The following DNMT1 variants were observed in gnomAD, a reference collection of about 807,000 sequenced individuals.
DNMT1 encodes the protein DNA (cytosine-5)-methyltransferase 1.
Under a neutral mutation model 205.3 loss-of-function variants are expected in DNMT1, and 24 were observed. The ratio of observed to expected loss-of-function variants is 0.12; its 90% CI spans 0.08 to 0.16. The LOEUF (loss-of-function observed/expected upper bound fraction) is 0.16. Among genes scored for constraint, DNMT1 ranks in the 10% least tolerant of loss-of-function variants. The probability of loss-of-function intolerance (pLI) is 1.00; values close to 1 mark genes in which losing one functional copy is unlikely to be tolerated. For missense variants in DNMT1, 1,293 were observed against 2,177.7 expected (o/e 0.59, Z 8.09); for synonymous variants, 817 against 839.8 (o/e 0.97, Z 0.47).
At chr19:10,176,082 C>T (rs2038933400) in intron 6 of DNMT1, among the ~76,000 whole-genome samples, 1 of 151,824 alleles carries the variant, frequency 6.6e-6, no homozygotes, top group Admixed American at 6.6e-5. Context: ...GCAGGAGAAT[C>T]GCTTGAACCT....
intron 1 of DNMT1, among the ~76,000 whole-genome samples, chr19:10,190,919 C>T (rs1396340870): frequency 1.3e-5 from 2 of 151,986 alleles, no homozygotes; most frequent in Non-Finnish European, 1.5e-5. Context: ...TTGAAACCAG[C>T]CTGGTCAACA....
Position 10,137,346 on chromosome 19 carries a change from TG to T in DNMT1, c.4294-67del. 6.5e-7 allele frequency: 1 copy of T among 1,534,436 alleles called. No homozygotes were observed. Among genetic ancestry groups the T allele is most frequent in the Non-Finnish European group, 8.8e-7 (1 of 1,138,088 alleles). ...CAGCATCCGAGCATCCATGGTGGGC[TG>T]GGAGCTGGGAACACCATGGTGACCA... On this transcript the variant is annotated intron_variant, in intron 36 of 40. Transcript: ENST00000359526. This position sits in a 1 kb window ranked among gnomAD's most constrained non-coding sequence, Gnocchi z 6.4.
intron 27 of DNMT1, among the ~76,000 whole-genome samples, chr19:10,147,615 A>G (rs1184042804): frequency 1.3e-5 from 2 of 152,040 alleles, no homozygotes; most frequent in Admixed American, 6.6e-5. Flanking sequence ...CCATCACAAA[A>G]AAGTAAAAAA....
At chr19:10,177,176 G>T (rs1008766180) in intron 6 of DNMT1, 116 bp downstream of exon 6, 4 of 939,606 alleles carry the variant, frequency 4.3e-6, no homozygotes, top group South Asian at 1.4e-5. Flanking sequence ...GAACAGAACC[G>T]CAAGATGAAA....
chr19:10,150,921 G>A (rs1405628336), intron 24 of DNMT1, among the ~76,000 whole-genome samples: 3 of 152,074 alleles, frequency 2.0e-5, no homozygotes, highest in African/African-American at 4.8e-5. Context: ...ATGAAACCCC[G>A]TCTCTACTAA....
At chr19:10,149,695 C>T in intron 25 of DNMT1, 38 bp from the exon 26 acceptor site, 1 of 1,612,876 alleles carries the variant, frequency 6.2e-7, no homozygotes, top group Non-Finnish European at 8.5e-7. Flanking sequence ...AAAGTTCTGA[C>T]TTGGCCAGCA....
chr19:10,194,344 G>A (rs1291979290), intron 1 of DNMT1, among the ~76,000 whole-genome samples: 5 of 152,052 alleles, frequency 3.3e-5, no homozygotes, highest in Admixed American at 2.6e-4. Context: ...AGCTTTGGGG[G>A]AAAGGCACTG....
chr19:10,187,843 A>G (rs1413453570), intron 1 of DNMT1, among the ~76,000 whole-genome samples: 1 of 151,576 alleles, frequency 6.6e-6, no homozygotes, highest in Non-Finnish European at 1.5e-5. Flanking sequence ...TCTCTACAAA[A>G]AATAGTAATT....
Position 10,138,829 on chromosome 19 carries a change from G to A in DNMT1, c.3949-224C>T, listed in dbSNP as rs147239797. Among the ~76,000 whole-genome samples, 8 of 152,378 alleles carry A rather than the reference G, an allele frequency of 5.3e-5. No homozygotes were observed. The highest frequency in any genetic ancestry group is 2.1e-4 in the South Asian group (1 of 4,830). On this transcript the variant is annotated intron_variant, in intron 34 of 40. Coordinates refer to ENST00000359526, the MANE Select transcript of DNMT1 (RefSeq NM_001130823.3). This position sits in a 1 kb window ranked among gnomAD's most constrained non-coding sequence, Gnocchi z 4.1. ...AGCCCAGGGGACAGCCACTGGGGAA[G>A]GTGGGAGCAAACCCTGCGGGGAAGT...
intron 1 of DNMT1, among the ~76,000 whole-genome samples, chr19:10,182,467 GTATATATATACATATATATGTGTA>G: frequency 8.2e-6 from 1 of 121,230 alleles, no homozygotes; most frequent in Middle Eastern, 4.3e-3. Context: ...ATATATGTGT[GTATATATATACATATATATGTGTA>G]TATATATGTG....
At chr19:10,177,251 G>A (rs202081842) in intron 6 of DNMT1, 41 bp downstream of exon 6, 100 of 1,587,282 alleles carry the variant, frequency 6.3e-5, no homozygotes, top group Non-Finnish European at 8.4e-5. Context: ...CAAAACAGCC[G>A]GCCCCTAAAA....
rs1318284587 is a variant in DNMT1, at chr19:10,177,209, A to G, written c.569+83T>C. Reference sequence around the variant, plus strand: ...AAAACCTATACAACACGGAAGACAGAATTGCCACGTGACGCCCTACCAATT... The same window carrying G: ...AAAACCTATACAACACGGAAGACAGGATTGCCACGTGACGCCCTACCAATT... On this transcript the variant is annotated intron_variant, in intron 6 of 40. Coordinates refer to ENST00000359526, the MANE Select transcript of DNMT1 (RefSeq NM_001130823.3). The G allele has an allele frequency of 2.4e-6, 3 of 1,256,276 alleles. No homozygotes were observed. The African/African-American group carries it at 4.4e-5, about 19-fold the overall frequency. 77.8% of individuals were successfully genotyped at this position (1,256,276 alleles called of 1,614,324 possible).
chr19:10,191,079 ACTCCAGCCTGGGCGACAGAGCAAGG>A (rs1383603602), intron 1 of DNMT1, among the ~76,000 whole-genome samples: 12 of 151,792 alleles, frequency 7.9e-5, no homozygotes, highest in Non-Finnish European at 1.3e-4. Context: ...CGGCCACTGC[ACTCCAGCCTGGGCGACAGAGCAAGG>A]CTCAGCCTCG....
At chr19:10,155,458 C>T (rs1308565298) in intron 19 of DNMT1, among the ~76,000 whole-genome samples, 1 of 152,086 alleles carries the variant, frequency 6.6e-6, no homozygotes, top group Non-Finnish European at 1.5e-5. Context: ...CTGCCATAGC[C>T]TCCCAAGTAG....
At chr19:10,141,298 G>A in intron 30 of DNMT1, 109 bp from the exon 31 acceptor site, 1 of 1,115,502 alleles carries the variant, frequency 9.0e-7, no homozygotes, top group Non-Finnish European at 1.4e-6. Flanking sequence ...CCCTCAGTGG[G>A]GCCATGACCA....
In DNMT1 at chr19:10,146,258, G is replaced by A. The variant is rs539823209; in HGVS notation, c.2894+93C>T. Reference sequence around the variant, plus strand: ...GCTAGGACAACAGCTGGTGCGGAGGGATTGGCAATGTCTGTAAGGAGGGGG... The same window carrying A: ...GCTAGGACAACAGCTGGTGCGGAGGAATTGGCAATGTCTGTAAGGAGGGGG... On this transcript the variant is annotated intron_variant, in intron 28 of 40. Transcript: ENST00000359526. This position sits in a 1 kb window ranked among gnomAD's most constrained non-coding sequence, Gnocchi z 4.4. The A allele has an allele frequency of 1.6e-5, 24 of 1,475,746 alleles. No homozygotes were observed. In the East Asian group the frequency reaches 3.0e-4, roughly 18 times the overall value. The allele number at this position is 1,475,746 out of a possible 1,614,324, so 91.4% of individuals were successfully genotyped here. A position where few individuals can be genotyped will look rare whatever the true frequency, so the allele number is the denominator to read the frequency against.
intron 30 of DNMT1, 167 bp from the exon 31 acceptor site, chr19:10,141,356 A>C: frequency 1.5e-6 from 1 of 683,746 alleles, no homozygotes; most frequent in Admixed American, 2.3e-5. Context: ...TAGAAACTTA[A>C]AACAATCCAT....
In DNMT1 at chr19:10,166,741, C is replaced by T. The variant is rs1416818767; in HGVS notation, c.804-56G>A. The T allele has an allele frequency of 3.0e-5, 47 of 1,591,436 alleles. No homozygotes were observed. The East Asian group carries it at 5.8e-4, about 20-fold the overall frequency. ...GGTCAGCTCGGGGGGGGCCCTGCAC[C>T]GGGGCCAACAGCTCCTAAGGGCTGA... On this transcript the variant is annotated intron_variant, in intron 10 of 40. Coordinates refer to ENST00000359526, the MANE Select transcript of DNMT1 (RefSeq NM_001130823.3).
Position 10,180,485 on chromosome 19 carries a change from T to C in DNMT1, c.310A>G (p.Asn104Asp), listed in dbSNP as rs1170262960. The change falls in exon 4 of 41, where the codon AAT becomes GAT. Residue 104 changes from asparagine to aspartate, a missense_variant. By Grantham distance (23) the Asn-to-Asp change is conservative. Coordinates refer to ENST00000359526, the MANE Select transcript of DNMT1 (RefSeq NM_001130823.3). ...TGGTTCCCGTTTTCTAGACGTCCATTCACTTCCCGGTTGTAAGCATGAGCA... is the reference window on the plus strand; with the variant it reads ...TGGTTCCCGTTTTCTAGACGTCCATCCACTTCCCGGTTGTAAGCATGAGCA... The part of the protein sequence containing the change: ...NGAHAYNREV[N>D]GRLENGNQAR... 6.2e-7 allele frequency: 1 copy of C among 1,614,148 alleles called. No individual in the cohort carries two copies. Among genetic ancestry groups the C allele is most frequent in the Admixed American group, 1.7e-5 (1 of 60,004 alleles).
Sources: gnomAD v4.1 joint callset for allele counts (sites outside exome capture counted in the v4.1 genomes callset) on GRCh38, gnomAD v4.1.1 for gene constraint, Gnocchi (gnomAD v3.1) non-coding constraint, MANE v1.5 for transcripts, NCBI Gene and HGNC (gene_info 2026-07-23, HGNC 2026-07-21) for gene names.